Variants in DNAH11 observed in about 807,000 individuals in gnomAD.
DNAH11 encodes the protein dynein axonemal heavy chain 11.
A neutral mutation model predicts 526.0 loss-of-function variants in DNAH11; 442 were observed. The ratio of observed to expected loss-of-function variants is 0.84; its 90% CI spans 0.78 to 0.91. The LOEUF is 0.91. DNAH11 is among the 40% of genes least tolerant of loss of function. The pLI is 0.00. For missense variants in DNAH11, 6,989 were observed against 5,448.7 expected, an observed-to-expected ratio of 1.28 and a Z score of -8.90; for synonymous variants, 2,461 against 1,935.9, an observed-to-expected ratio of 1.27 and a Z score of -7.12.
intron 56 of DNAH11, among the ~76,000 whole-genome samples, chr7:21,777,081 AC>A (rs967271375): frequency 1.3e-5 from 2 of 151,568 alleles, no homozygotes; most frequent in East Asian, 1.9e-4. Flanking sequence ...CACCTACGTT[AC>A]CCCCCACTTC....
rs1786868401 is a variant in DNAH11, at chr7:21,760,858, C to T, written c.8941-4570C>T. On this transcript the variant is annotated intron_variant, in intron 54 of 81. Coordinates refer to ENST00000409508, the MANE Select transcript of DNAH11 (RefSeq NM_001277115.2). The stretch of plus-strand genomic sequence containing the variant: ...TATTCCAGATATTAACCAACAGCCC[C>T]TAAGGTGTAAATAAAATGACTATTC... 6.6e-5 allele frequency among the ~76,000 whole-genome samples: 5 copies of T among 76,312 alleles called. No individual in the cohort carries two copies. In the South Asian group the frequency reaches 2.1e-3, roughly 32 times the overall value. 50.1% of individuals were successfully genotyped at this position (76,312 alleles called of 152,430 possible).
In DNAH11 at chr7:21,901,407, A is replaced by AAATACTAGAAACTAACTCAGGGCT; in HGVS notation, c.*154_*177dup. On this transcript the variant is annotated 3_prime_UTR_variant, in exon 82 of 82. Coordinates refer to ENST00000409508, the MANE Select transcript of DNAH11 (RefSeq NM_001277115.2). ...TATCCTTAGAGTGAAAGTCAGAAAA[A>AAATACTAGAAACTAACTCAGGGCT]AATACTAGAAACTAACTCAGGGCTG... 1 of 1,121,230 alleles carries AAATACTAGAAACTAACTCAGGGCT rather than the reference A, an allele frequency of 8.9e-7. No individual in the cohort carries two copies. Among genetic ancestry groups the AAATACTAGAAACTAACTCAGGGCT allele is most frequent in the Non-Finnish European group, 1.2e-6 (1 of 855,408 alleles). 69.5% of individuals were successfully genotyped at this position (1,121,230 alleles called of 1,614,324 possible). A position where few individuals can be genotyped will look rare whatever the true frequency, so the allele number is the denominator to read the frequency against.
At chr7:21,839,411 A>G (rs1205921763) in intron 65 of DNAH11, among the ~76,000 whole-genome samples, 4 of 151,754 alleles carry the variant, frequency 2.6e-5, no homozygotes, top group Admixed American at 6.6e-5. Flanking sequence ...TGTCTCTACT[A>G]AAAAATACAA....
At position 21,654,693 on chromosome 7, in the gene DNAH11, C is replaced by T. The variant is rs117559642; in HGVS notation, c.4945-1139C>T. On this transcript the variant is annotated intron_variant, in intron 28 of 81. Coordinates refer to ENST00000409508, the MANE Select transcript of DNAH11 (RefSeq NM_001277115.2). ...TCCACTTAGCGGCTTTTATTTGCAC[C>T]GTGAATAACAAGGGAACATGTATTC... 2.5e-3 allele frequency among the ~76,000 whole-genome samples: 382 copies of T among 152,220 alleles called. 1 individual carries two copies. Among genetic ancestry groups the T allele is most frequent in the South Asian group, 4.1e-3 (20 of 4,822 alleles).
intron 45 of DNAH11, among the ~76,000 whole-genome samples, chr7:21,726,753 C>CGGGAGTCT (rs1756495468): frequency 7.0e-6 from 1 of 141,910 alleles, no homozygotes; most frequent in African/African-American, 2.6e-5. Context: ...CCCAGCTACT[C>CGGGAGTCT]GGGAGTCTGA....
At chr7:21,828,572 T>C (rs1175203509) in intron 65 of DNAH11, among the ~76,000 whole-genome samples, 1 of 152,182 alleles carries the variant, frequency 6.6e-6, no homozygotes, top group African/African-American at 2.4e-5. Flanking sequence ...GGGCTTCAGA[T>C]AAAGAATCCT....
At position 21,784,522 on chromosome 7, in the gene DNAH11, A is replaced by T; in HGVS notation, c.9579A>T (p.Ala3193=). Residue 3193 remains alanine (A), a synonymous_variant, in exon 58 of 82, where the codon GCA becomes GCT. Coordinates refer to ENST00000409508, the MANE Select transcript of DNAH11 (RefSeq NM_001277115.2). ...AEPALVAATA[A]LNTLNRVNLS... is the part of the protein sequence containing the mutation. ...CTGCACTGGTGGCTGCTACAGCTGC[A>T]CTCAATACACTCAACAGGGTAAAGA... 6.2e-7 allele frequency: 1 copy of T among 1,609,988 alleles called. No homozygotes were observed. The highest frequency in any genetic ancestry group is 8.5e-7 in the Non-Finnish European group (1 of 1,177,906).
At chr7:21,637,120 T>A (rs907263345) in intron 26 of DNAH11, among the ~76,000 whole-genome samples, 3 of 152,090 alleles carry the variant, frequency 2.0e-5, no homozygotes, top group Admixed American at 6.6e-5. Context: ...ATTGTTTATA[T>A]CTCTCTCATT....
In DNAH11 at chr7:21,571,788, A is replaced by G; in HGVS notation, c.1426-18A>G. 1 of 1,596,568 alleles carries G rather than the reference A, an allele frequency of 6.3e-7. No individual in the cohort carries two copies. The highest frequency in any genetic ancestry group is 8.5e-7 in the Non-Finnish European group (1 of 1,172,952). On this transcript the variant is annotated intron_variant, in intron 7 of 81. Coordinates refer to ENST00000409508, the MANE Select transcript of DNAH11 (RefSeq NM_001277115.2). ...TGCTCAATGTAGTGGAAAGGTCTTT[A>G]CTGTGTTTTTTACAAAGGATATATT...
chr7:21,733,645 C>CT (rs1014835395), intron 45 of DNAH11, among the ~76,000 whole-genome samples: 2 of 152,188 alleles, frequency 1.3e-5, no homozygotes, highest in Non-Finnish European at 2.9e-5. Context: ...AGTTTGTACT[C>CT]TTTCTTTCCA....
At position 21,739,552 on chromosome 7, in the gene DNAH11, T is replaced by G. The variant is rs747833749; in HGVS notation, c.7812-19T>G. On this transcript the variant is annotated intron_variant, in intron 47 of 81. Coordinates refer to ENST00000409508, the MANE Select transcript of DNAH11 (RefSeq NM_001277115.2). Reference sequence around the variant, plus strand: ...CATCTCCAGTTTTTGGATTTAAGGTTCTGTTTTCTGTCTTTCAGGTATGAT... The same window carrying G: ...CATCTCCAGTTTTTGGATTTAAGGTGCTGTTTTCTGTCTTTCAGGTATGAT... 1 of 1,601,388 alleles carries G rather than the reference T, an allele frequency of 6.2e-7. No homozygotes were observed. Among genetic ancestry groups the G allele is most frequent in the East Asian group, 2.2e-5 (1 of 44,688 alleles).
chr7:21,795,653 T>A (rs1037871903), intron 61 of DNAH11, among the ~76,000 whole-genome samples: 3 of 152,378 alleles, frequency 2.0e-5, no homozygotes, highest in African/African-American at 7.2e-5. Flanking sequence ...ACTTTCCTTT[T>A]AGCAATCAAC....
intron 5 of DNAH11, 41 bp from the exon 6 acceptor site, chr7:21,564,145 A>C (rs1783570742): frequency 2.7e-6 from 4 of 1,458,530 alleles, no homozygotes; most frequent in African/African-American, 1.4e-5. Context: ...AAAAAAAAAA[A>C]ACAAACCAGA....
intron 18 of DNAH11, among the ~76,000 whole-genome samples, chr7:21,602,869 C>T (rs534413228): frequency 6.6e-6 from 1 of 151,790 alleles, no homozygotes; most frequent in South Asian, 2.1e-4. Flanking sequence ...CTGTTTTTTT[C>T]TTTTTTTTAT....
chr7:21,768,968 A>G lies in DNAH11; in HGVS notation c.9102+3379A>G, dbSNP rs189708522. On this transcript the variant is annotated intron_variant, in intron 55 of 81. Transcript: ENST00000409508. ...TGTAACTAACCTGCACATTGTGCAC[A>G]TGTACCCTAAAACTTAAAGTATAAT... is the stretch of plus-strand genomic sequence containing the variant. 1.6e-3 allele frequency among the ~76,000 whole-genome samples: 243 copies of G among 152,340 alleles called. 1 individual carries two copies. Among genetic ancestry groups the G allele is most frequent in the African/African-American group, 5.5e-3 (228 of 41,582 alleles).
At chr7:21,657,652 T>G (rs1409170595) in intron 29 of DNAH11, among the ~76,000 whole-genome samples, 1 of 152,188 alleles carries the variant, frequency 6.6e-6, no homozygotes, top group African/African-American at 2.4e-5. Context: ...CTTGATGACC[T>G]TAAAAGTTAC....
chr7:21,687,180 G>T lies in DNAH11; in HGVS notation c.5703G>T (p.Glu1901Asp). ...PAGPAGTGKT[E>D]TTKDLGRALG... The stretch of plus-strand genomic sequence containing the variant: ...GCCCAGCTGGTACCGGGAAAACAGA[G>T]ACCACCAAAGACCTAGGACGTGCCC... Residue 1901 changes from glutamate (E) to aspartate (D), a missense_variant, in exon 33 of 82, where the codon GAG becomes GAT. Coordinates refer to ENST00000409508, the MANE Select transcript of DNAH11 (RefSeq NM_001277115.2). The T allele has an allele frequency of 6.2e-7, 1 of 1,612,382 alleles. No homozygotes were observed. Among genetic ancestry groups the T allele is most frequent in the South Asian group, 1.1e-5 (1 of 90,688 alleles).
intron 66 of DNAH11, among the ~76,000 whole-genome samples, chr7:21,848,082 G>C (rs1451137739): frequency 6.6e-6 from 1 of 150,666 alleles, no homozygotes; most frequent in African/African-American, 2.5e-5. Context: ...CAGGAGAATG[G>C]CGTGAACCCA....
Position 21,591,482 on chromosome 7 carries a change from G to A in DNAH11, c.2572G>A (p.Glu858Lys). 6.2e-7 allele frequency: 1 copy of A among 1,613,424 alleles called. No individual in the cohort carries two copies. The highest frequency in any genetic ancestry group is 8.5e-7 in the Non-Finnish European group (1 of 1,179,452). ...ACCTCCCAGGAGAGAGCACAGACGA[G>A]AGGCAGCCTTCACCTTGGAGGACAA... ...VLPPRREHRR[E>K]AAFTLEDKGD... Residue 858 changes from glutamate (E) to lysine (K), a missense_variant, in exon 14 of 82, where the codon GAG (glutamate) becomes AAG (lysine). Transcript: ENST00000409508.
Sources: allele counts gnomAD v4.1 joint callset (sites outside exome capture counted in the v4.1 genomes callset), GRCh38; gene constraint gnomAD v4.1.1; transcripts MANE v1.5; gene names NCBI Gene and HGNC (gene_info 2026-07-23, HGNC 2026-07-21).